The following PTPRT variants were observed in gnomAD, a reference collection of about 807,000 sequenced individuals.
The protein encoded by PTPRT is receptor-type tyrosine-protein phosphatase T.
Under a neutral mutation model 176.8 loss-of-function variants are expected in PTPRT, and 56 were observed. That is an observed-to-expected ratio of 0.32 (90% CI 0.26 to 0.40). The LOEUF is 0.40. Ranked by LOEUF, PTPRT falls within the 10% of genes least tolerant of loss-of-function variation. The probability of loss-of-function intolerance (pLI) is 1.00; values close to 1 mark genes in which losing one functional copy is unlikely to be tolerated. For synonymous variants in PTPRT, 783 were observed against 739.0 expected (o/e 1.06, Z -0.96); for missense variants, 1,540 against 1,908.2 (o/e 0.81, Z 3.60).
the PTPRT span, among the ~76,000 whole-genome samples, chr20:42,043,362 C>T: frequency 6.6e-6 from 1 of 152,224 alleles, no homozygotes; most frequent in African/African-American, 2.4e-5. Context: ...TCCCTTCTTT[C>T]TCCTGATGGA....
At position 42,577,136 on chromosome 20, in the gene PTPRT, T is replaced by G. The variant is rs73906959; in HGVS notation, c.1153+100730A>C. Among the ~76,000 whole-genome samples, 253 of 152,082 alleles carry G rather than the reference T, an allele frequency of 1.7e-3. 1 individual carries two copies. The highest frequency in any genetic ancestry group is 5.8e-3 in the African/African-American group (239 of 41,470). ...ACCAAGGAAGAGTATATAGAGGCAG[T>G]TAAAAATAAAAGTAGATAGGTCAGG... On this transcript the variant is annotated intron_variant, in intron 7 of 30. Coordinates refer to ENST00000373187, the MANE Select transcript of PTPRT (RefSeq NM_007050.6).
chr20:42,491,208 G>C (rs1443074242), intron 7 of PTPRT, among the ~76,000 whole-genome samples: 1 of 152,102 alleles, frequency 6.6e-6, no homozygotes, highest in Non-Finnish European at 1.5e-5. Context: ...AAATGGGCCT[G>C]TATTTTCTTT....
At chr20:42,614,905 G>GT (rs975757233) in intron 7 of PTPRT, among the ~76,000 whole-genome samples, 5 of 148,252 alleles carry the variant, frequency 3.4e-5, no homozygotes, top group Non-Finnish European at 4.5e-5. Context: ...GGAACTCTCG[G>GT]TTTTTTTTGT....
intron 1 of PTPRT, among the ~76,000 whole-genome samples, chr20:43,087,841 G>A (rs2091011836): frequency 6.6e-6 from 1 of 152,144 alleles, no homozygotes; most frequent in Non-Finnish European, 1.5e-5. Context: ...CCCAAGCACA[G>A]GGCAGGGTAC....
intron 5 of PTPRT, among the ~76,000 whole-genome samples, chr20:42,760,113 G>A (rs960281884): frequency 3.9e-5 from 6 of 152,206 alleles, no homozygotes; most frequent in African/African-American, 1.2e-4. Flanking sequence ...CAGGGCTCAC[G>A]AGGCAGAGAG....
intron 9 of PTPRT, among the ~76,000 whole-genome samples, chr20:42,404,168 T>C (rs1405279406): frequency 2.6e-5 from 4 of 152,184 alleles, no homozygotes; most frequent in African/African-American, 9.7e-5. Flanking sequence ...CATGTAGCTG[T>C]GGTCATATGT....
intron 2 of PTPRT, among the ~76,000 whole-genome samples, chr20:42,877,777 T>C (rs1291294535): frequency 1.3e-5 from 2 of 152,180 alleles, no homozygotes; most frequent in Non-Finnish European, 2.9e-5. Context: ...ACACAGCTTT[T>C]TACAGCTAGC....
intron 7 of PTPRT, among the ~76,000 whole-genome samples, chr20:42,547,677 A>T (rs2072699653): frequency 6.6e-6 from 1 of 152,048 alleles, no homozygotes; most frequent in South Asian, 2.1e-4. Context: ...CTGTAGAAAT[A>T]TTCCCTTTAA....
intron 9 of PTPRT, among the ~76,000 whole-genome samples, chr20:42,406,728 G>A (rs1178452592): frequency 2.0e-5 from 3 of 152,080 alleles, no homozygotes; most frequent in Non-Finnish European, 4.4e-5. Flanking sequence ...TATAAATACA[G>A]ATGGAAAATG....
At chr20:42,435,272 A>G (rs900703999) in intron 9 of PTPRT, among the ~76,000 whole-genome samples, 2 of 152,224 alleles carry the variant, frequency 1.3e-5, no homozygotes, top group African/African-American at 2.4e-5. Flanking sequence ...ATAAAGAAAT[A>G]AAAAATAATT....
At chr20:43,117,773 G>A (rs1444906937) in intron 1 of PTPRT, among the ~76,000 whole-genome samples, 1 of 152,172 alleles carries the variant, frequency 6.6e-6, no homozygotes, top group East Asian at 1.9e-4. Context: ...GACAATGCCA[G>A]GTTTTGCTCT....
chr20:42,660,407 G>A (rs754775967), intron 7 of PTPRT, among the ~76,000 whole-genome samples: 3 of 152,060 alleles, frequency 2.0e-5, no homozygotes, highest in Non-Finnish European at 2.9e-5. Flanking sequence ...CAGCAACGGT[G>A]CTGGAATAAT....
At chr20:42,334,633 T>G (rs1214118585) in intron 11 of PTPRT, among the ~76,000 whole-genome samples, 1 of 152,226 alleles carries the variant, frequency 6.6e-6, no homozygotes, top group Admixed American at 6.5e-5. Context: ...TTCATCAAAT[T>G]GGGGAAAATA....
At chr20:42,870,116 A>T (rs1600497668) in intron 2 of PTPRT, among the ~76,000 whole-genome samples, 1 of 152,174 alleles carries the variant, frequency 6.6e-6, no homozygotes. Context: ...GGTACCTTTT[A>T]TAGTAGCATG....
intron 9 of PTPRT, among the ~76,000 whole-genome samples, chr20:42,370,425 T>C (rs939222410): frequency 2.6e-5 from 4 of 152,102 alleles, no homozygotes. Flanking sequence ...GGGTGGGCCT[T>C]TTCATCAGAG....
chr20:43,065,273 C>CA (rs1006544358), intron 1 of PTPRT, among the ~76,000 whole-genome samples: 1 of 152,154 alleles, frequency 6.6e-6, no homozygotes, highest in Admixed American at 6.5e-5. Context: ...ATAATTCCAC[C>CA]AAACTCTGTG....
intron 7 of PTPRT, among the ~76,000 whole-genome samples, chr20:42,551,720 T>C (rs1215585556): frequency 6.6e-6 from 1 of 151,746 alleles, no homozygotes; most frequent in Non-Finnish European, 1.5e-5. Flanking sequence ...GTGGCCTTAC[T>C]TGTTGAATGG....
Position 42,530,991 on chromosome 20 carries a change from C to CT in PTPRT, c.1154-58430_1154-58429insA, listed in dbSNP as rs201113616. Among the ~76,000 whole-genome samples, 422 of 152,330 alleles carry CT rather than the reference C, an allele frequency of 2.8e-3. 5 individuals carry two copies. Among genetic ancestry groups the CT allele is most frequent in the African/African-American group, 9.7e-3 (405 of 41,574 alleles). ...AGGAAATGCTTAACAGAGAAGCAAA[C>CT]GACATCATCCTTAGAACTAAAATTT... On this transcript the variant is annotated intron_variant, in intron 7 of 30. Transcript: ENST00000373187.
At chr20:43,052,800 C>G (rs141046049) in intron 1 of PTPRT, among the ~76,000 whole-genome samples, 82 of 152,302 alleles carry the variant, frequency 5.4e-4, no homozygotes, top group African/African-American at 1.9e-3. Context: ...TCAATCTCCC[C>G]AAATGCTCCC....
Sources: gnomAD v4.1 joint callset for allele counts (sites outside exome capture counted in the v4.1 genomes callset) on GRCh38, gnomAD v4.1.1 for gene constraint, MANE v1.5 for transcripts, NCBI Gene and HGNC (gene_info 2026-07-23, HGNC 2026-07-21) for gene names.